ASIC2: variants seen among roughly 807,000 people sequenced by gnomAD.
ASIC2 encodes the protein acid sensing ion channel subunit 2.
Under a neutral mutation model 57.3 loss-of-function variants are expected in ASIC2, and 25 were observed. The ratio of observed to expected loss-of-function variants is 0.44; its 90% CI spans 0.32 to 0.61. The LOEUF (loss-of-function observed/expected upper bound fraction) is 0.61. Ranked by LOEUF, ASIC2 falls within the 20% of genes least tolerant of loss-of-function variation. The pLI is 0.06. For missense variants in ASIC2, 641 were observed against 738.1 expected (o/e 0.87, Z 1.52); for synonymous variants, 319 against 307.5 (o/e 1.04, Z -0.39).
intron 1 of ASIC2, among the ~76,000 whole-genome samples, chr17:33,900,763 G>A (rs1454390153): frequency 2.0e-5 from 3 of 152,194 alleles, no homozygotes; most frequent in Non-Finnish European, 2.9e-5. Flanking sequence ...GGTATCTAGG[G>A]AAGAGGGTGG....
At chr17:33,960,874 C>T (rs1002875690) in intron 1 of ASIC2, among the ~76,000 whole-genome samples, 11 of 152,258 alleles carry the variant, frequency 7.2e-5, no homozygotes, top group South Asian at 2.1e-4. Context: ...TATAAGGCCC[C>T]GCGAGAGTCA....
intron 1 of ASIC2, among the ~76,000 whole-genome samples, chr17:33,776,252 G>A (rs887964104): frequency 6.6e-5 from 10 of 152,144 alleles, no homozygotes; most frequent in African/African-American, 1.7e-4. Context: ...AGGTGAGTAG[G>A]TCCTGAGGGT....
chr17:33,294,320 C>G (rs1905633213), upstream of ASIC2, among the ~76,000 whole-genome samples: 1 of 152,112 alleles, frequency 6.6e-6, no homozygotes, highest in Admixed American at 6.5e-5. Context: ...CGTGTGTATC[C>G]TTTGGGGAGA....
intron 1 of ASIC2, among the ~76,000 whole-genome samples, chr17:33,194,371 G>A (rs1326022187): frequency 2.6e-5 from 4 of 152,098 alleles, no homozygotes; most frequent in African/African-American, 7.2e-5. Context: ...TCCAAGTAAT[G>A]GGTACACCAG....
chr17:33,661,055 ACT>A (rs763417346), intron 1 of ASIC2, among the ~76,000 whole-genome samples: 6 of 151,778 alleles, frequency 4.0e-5, no homozygotes, highest in Middle Eastern at 3.4e-3. Flanking sequence ...CCACGCTCTG[ACT>A]CTGTTTGACC....
chr17:33,876,846 C>T (rs1045769855), intron 1 of ASIC2, among the ~76,000 whole-genome samples: 2 of 152,162 alleles, frequency 1.3e-5, no homozygotes, highest in East Asian at 1.9e-4. Context: ...TTCAGCTTCC[C>T]TCGAAATGTT....
chr17:33,926,509 A>C (rs1458506187), intron 1 of ASIC2, among the ~76,000 whole-genome samples: 1 of 152,226 alleles, frequency 6.6e-6, no homozygotes, highest in Non-Finnish European at 1.5e-5. Flanking sequence ...TTTTGTGCAT[A>C]AAACAAAGTT....
chr17:33,014,892 C>T (rs922126809), intron 9 of ASIC2, among the ~76,000 whole-genome samples: 3 of 152,188 alleles, frequency 2.0e-5, no homozygotes, highest in Non-Finnish European at 4.4e-5. Flanking sequence ...TCTCACTGAA[C>T]TCGGATGACA....
intron 1 of ASIC2, among the ~76,000 whole-genome samples, chr17:34,110,306 C>T (rs1911223671): frequency 6.6e-6 from 1 of 152,136 alleles, no homozygotes; most frequent in Non-Finnish European, 1.5e-5. Context: ...TAAGGTATTG[C>T]CCAGATTAGG....
At chr17:33,923,002 T>C (rs1340880749) in intron 1 of ASIC2, among the ~76,000 whole-genome samples, 3 of 152,148 alleles carry the variant, frequency 2.0e-5, no homozygotes, top group African/African-American at 4.8e-5. Context: ...AGCCCTTCTT[T>C]GCAATGTCAC....
intron 1 of ASIC2, among the ~76,000 whole-genome samples, chr17:33,559,512 C>T (rs1295792959): frequency 1.3e-5 from 2 of 152,114 alleles, no homozygotes; most frequent in Non-Finnish European, 2.9e-5. Context: ...CGTGGTCTTG[C>T]CATTGCCATT....
In ASIC2 at chr17:33,320,593, T is replaced by C. The variant is rs557553878; in HGVS notation, c.556-208526A>G. Among the ~76,000 whole-genome samples the C allele has an allele frequency of 2.7e-4, 41 of 152,324 alleles. 1 individual carries two copies. The South Asian group carries it at 8.1e-3, about 30-fold the overall frequency. On this transcript the variant is annotated intron_variant, in intron 1 of 9. Coordinates refer to the ASIC2 transcript ENST00000359872. ...TGTTTGAGGGTTTTGTTGTTATTGTTGGTTGCGAACACATCATCTCGTCGG... is the reference window on the plus strand; with the variant it reads ...TGTTTGAGGGTTTTGTTGTTATTGTCGGTTGCGAACACATCATCTCGTCGG...
At chr17:33,728,607 T>C (rs1410724444) in intron 1 of ASIC2, among the ~76,000 whole-genome samples, 2 of 152,122 alleles carry the variant, frequency 1.3e-5, no homozygotes, top group African/African-American at 2.4e-5. Context: ...TCTGGATTCA[T>C]AGCCTGTGAT....
intron 1 of ASIC2, among the ~76,000 whole-genome samples, chr17:33,182,077 G>A (rs12600443): frequency 6.6e-6 from 1 of 152,178 alleles, no homozygotes; most frequent in African/African-American, 2.4e-5. Context: ...GTGACAAGTA[G>A]GTTGAGAACT....
At chr17:33,472,142 C>T (rs1399886367) in intron 1 of ASIC2, among the ~76,000 whole-genome samples, 1 of 152,040 alleles carries the variant, frequency 6.6e-6, no homozygotes, top group African/African-American at 2.4e-5. Context: ...ACCTCAGCCT[C>T]CCAAGTAGCT....
chr17:34,101,805 G>A (rs1023020962), intron 1 of ASIC2, among the ~76,000 whole-genome samples: 5 of 151,894 alleles, frequency 3.3e-5, no homozygotes, highest in Admixed American at 6.6e-5. Flanking sequence ...ATTTTATTAC[G>A]GAAAAATTCA....
At chr17:33,334,121 A>C (rs1279525579) in intron 1 of ASIC2, among the ~76,000 whole-genome samples, 1 of 152,312 alleles carries the variant, frequency 6.6e-6, no homozygotes, top group Non-Finnish European at 1.5e-5. Flanking sequence ...AAGCAGCAGA[A>C]TCCTTGTCTT....
At chr17:33,501,480 C>T (rs1914099370) in intron 1 of ASIC2, among the ~76,000 whole-genome samples, 2 of 152,344 alleles carry the variant, frequency 1.3e-5, no homozygotes, top group South Asian at 2.1e-4. Flanking sequence ...AAAGGTAAAA[C>T]AACTCGCTTG....
At chr17:33,952,678 A>T (rs1274354651) in intron 1 of ASIC2, among the ~76,000 whole-genome samples, 1 of 152,198 alleles carries the variant, frequency 6.6e-6, no homozygotes. Context: ...CTTTTAAAAA[A>T]TTGCTGATCA....
Sources: gnomAD v4.1 joint callset for allele counts (sites outside exome capture counted in the v4.1 genomes callset) on GRCh38, gnomAD v4.1.1 for gene constraint, MANE v1.5 for transcripts, NCBI Gene and HGNC (gene_info 2026-07-23, HGNC 2026-07-21) for gene names.